The following SDHAF2 variants were observed in gnomAD, a reference collection of about 807,000 sequenced individuals.
The protein encoded by SDHAF2 is succinate dehydrogenase assembly factor 2, mitochondrial.
A neutral mutation model predicts 18.5 loss-of-function variants in SDHAF2; 21 were observed. That is an observed-to-expected ratio of 1.13 (90% confidence interval 0.80 to 1.63). SDHAF2 has a LOEUF of 1.63. SDHAF2 is among the 40% of genes most tolerant of loss of function. The pLI, the probability that SDHAF2 is intolerant of heterozygous loss-of-function variation, is 0.00. For missense variants in SDHAF2, 195 were observed against 200.3 expected (o/e 0.97, Z 0.16); for synonymous variants, 84 against 70.7 (o/e 1.19, Z -0.94).
intron 3 of SDHAF2, chr11:61,438,391 G>T (rs377063764): frequency 1.1e-5 from 6 of 537,846 alleles, no homozygotes; most frequent in African/African-American, 5.7e-5. Flanking sequence ...TAGAGACAGG[G>T]TTTCTCTGTG....
At chr11:61,434,039 C>A (rs1468332259) in intron 1 of SDHAF2, 1 of 152,246 alleles carries the variant, frequency 6.6e-6, no homozygotes, top group African/African-American at 2.4e-5. Context: ...AGGGTCATGC[C>A]ACTGCACCCA....
At chr11:61,444,063 G>A (rs777810767) in intron 3 of SDHAF2, 37 of 152,498 alleles carry the variant, frequency 2.4e-4, no homozygotes, top group Non-Finnish European at 4.7e-4. Context: ...GTGAGCCACT[G>A]TGCCCAGCCT....
rs140561986 is a variant in SDHAF2, at chr11:61,441,260, C to T, written c.370+3147C>T. 7.9e-5 allele frequency among the ~76,000 whole-genome samples: 12 copies of T among 152,172 alleles called. No individual in the cohort carries two copies. The East Asian group carries it at 1.5e-3, about 20-fold the overall frequency. On this transcript the variant is annotated intron_variant, in intron 3 of 3. Transcript: ENST00000301761. ...AAAAGAGGTCAAACTCAACCAGACG[C>T]GGTGGCTCACGCCTGTAATCCCAGC...
intron 1 of SDHAF2, chr11:61,436,985 A>G: frequency 8.5e-7 from 1 of 1,181,342 alleles, no homozygotes; most frequent in Non-Finnish European, 1.1e-6. Flanking sequence ...TATAAACCAC[A>G]CTGTAAGAAT....
At chr11:61,442,526 A>T (rs1476095127) in intron 3 of SDHAF2, among the ~76,000 whole-genome samples, 1 of 152,062 alleles carries the variant, frequency 6.6e-6, no homozygotes, top group Non-Finnish European at 1.5e-5. Context: ...TATTATATAC[A>T]TAGGTATTTA....
At chr11:61,434,644 C>G (rs1235160425) in intron 1 of SDHAF2, 1 of 132,576 alleles carries the variant, frequency 7.5e-6, no homozygotes, top group African/African-American at 2.9e-5. Flanking sequence ...AATGACCAGT[C>G]TTTGAGTTTG....
At chr11:61,440,645 G>T (rs952532397) in intron 3 of SDHAF2, among the ~76,000 whole-genome samples, 34 of 152,036 alleles carry the variant, frequency 2.2e-4, no homozygotes, top group African/African-American at 8.0e-4. Context: ...TCTGTAATAG[G>T]TAAATATAGA....
At chr11:61,439,368 C>T (rs1009616711) in intron 3 of SDHAF2, among the ~76,000 whole-genome samples, 4 of 152,178 alleles carry the variant, frequency 2.6e-5, no homozygotes, top group Non-Finnish European at 5.9e-5. Context: ...TTGTAGATCC[C>T]GCTCAGGAAA....
intron 1 of SDHAF2, among the ~76,000 whole-genome samples, chr11:61,437,245 T>C (rs1285589790): frequency 6.6e-6 from 1 of 152,138 alleles, no homozygotes; most frequent in Non-Finnish European, 1.5e-5. Flanking sequence ...TGGAATGCAG[T>C]GGTACGATCA....
At chr11:61,440,265 A>G (rs1256215915) in intron 3 of SDHAF2, among the ~76,000 whole-genome samples, 1 of 152,142 alleles carries the variant, frequency 6.6e-6, no homozygotes, top group African/African-American at 2.4e-5. Flanking sequence ...AGATCACGCC[A>G]CTGTGCTCCA....
Position 61,442,436 on chromosome 11 carries a change from G to C in SDHAF2, c.371-3505G>C, listed in dbSNP as rs1168431947. On this transcript the variant is annotated intron_variant, in intron 3 of 3. Coordinates refer to ENST00000301761, the MANE Select transcript of SDHAF2 (RefSeq NM_017841.4). Reference sequence around the variant, plus strand: ...ATTTCCATAGTTTGTGACGAGGTCTGCTGTATCTTTGTTCCTTTTTATGTG... The same window carrying C: ...ATTTCCATAGTTTGTGACGAGGTCTCCTGTATCTTTGTTCCTTTTTATGTG... Among the ~76,000 whole-genome samples, 2 of 152,126 alleles carry C rather than the reference G, an allele frequency of 1.3e-5. 1 individual carries two copies. Among genetic ancestry groups the C allele is most frequent in the East Asian group, 3.9e-4 (2 of 5,190 alleles).
At position 61,446,277 on chromosome 11, in the gene SDHAF2, T is replaced by C; in HGVS notation, c.*206T>C. The stretch of plus-strand genomic sequence containing the variant: ...ATTCTCATACTTTTTTGTTCAGCTC[T>C]GAGCCTCAAAAGTGATTTGTCAGCA... On this transcript the variant is annotated 3_prime_UTR_variant, in exon 4 of 4. Coordinates refer to ENST00000301761, the MANE Select transcript of SDHAF2 (RefSeq NM_017841.4). 1 of 644,068 alleles carries C rather than the reference T, an allele frequency of 1.6e-6. No homozygotes were observed. The highest frequency in any genetic ancestry group is 2.7e-5 in the East Asian group (1 of 36,622). The allele number at this position is 644,068 out of a possible 1,614,324, so 39.9% of individuals were successfully genotyped here. A position where few individuals can be genotyped will look rare whatever the true frequency, so the allele number is the denominator to read the frequency against.
At chr11:61,437,936 G>A (rs1382162621) in intron 2 of SDHAF2, 68 bp from the exon 3 acceptor site, 19 of 1,558,472 alleles carry the variant, frequency 1.2e-5, no homozygotes, top group South Asian at 2.2e-5. Flanking sequence ...AGGAGTCTTG[G>A]TGTCACTTCT....
At chr11:61,434,497 T>C (rs1318496398) in intron 1 of SDHAF2, 1 of 151,828 alleles carries the variant, frequency 6.6e-6, no homozygotes, top group South Asian at 2.1e-4. Flanking sequence ...TCTAATAAGC[T>C]TTCTGCCCCT....
chr11:61,439,252 C>A (rs986206993), intron 3 of SDHAF2, among the ~76,000 whole-genome samples: 1 of 152,098 alleles, frequency 6.6e-6, no homozygotes, highest in Non-Finnish European at 1.5e-5. Flanking sequence ...GGGTCCAGGT[C>A]CCCCCTACTT....
intron 1 of SDHAF2, chr11:61,434,762 C>G (rs571294814): frequency 1.4e-5 from 2 of 140,750 alleles, no homozygotes; most frequent in African/African-American, 2.6e-5. Flanking sequence ...CGGAGTCTCG[C>G]TCTGTTGCCC....
chr11:61,441,700 C>G (rs974443631), intron 3 of SDHAF2, among the ~76,000 whole-genome samples: 2 of 152,036 alleles, frequency 1.3e-5, no homozygotes, highest in African/African-American at 4.8e-5. Context: ...TTTACCCACA[C>G]TTTGTATTAT....
chr11:61,441,995 C>G (rs1248020190), intron 3 of SDHAF2, among the ~76,000 whole-genome samples: 1 of 151,858 alleles, frequency 6.6e-6, no homozygotes, highest in African/African-American at 2.4e-5. Context: ...GCGATCCTCC[C>G]ACCTCAGCCT....
chr11:61,441,023 C>T (rs946225107), intron 3 of SDHAF2, among the ~76,000 whole-genome samples: 1 of 151,734 alleles, frequency 6.6e-6, no homozygotes, highest in Non-Finnish European at 1.5e-5. Context: ...CAACATAGAC[C>T]CCCTATCTCC....
Sources: allele counts gnomAD v4.1 joint callset (sites outside exome capture counted in the v4.1 genomes callset), GRCh38; gene constraint gnomAD v4.1.1; transcripts MANE v1.5; gene names NCBI Gene and HGNC (gene_info 2026-07-23, HGNC 2026-07-21).